Variants in TECRL observed in about 807,000 individuals in gnomAD.
The protein encoded by TECRL is trans-2,3-enoyl-CoA reductase like, also known as trans-2,3-enoyl-CoA reductase-like.
A neutral mutation model predicts 52.8 loss-of-function variants in TECRL; 63 were observed. That is an observed-to-expected ratio of 1.19 (90% CI 0.97 to 1.47). The LOEUF is 1.47. Among genes scored for constraint, TECRL ranks in the 40% most tolerant of loss-of-function variants. The probability of loss-of-function intolerance (pLI) is 0.00; values close to 1 mark genes in which losing one functional copy is unlikely to be tolerated. For missense variants in TECRL, 482 were observed against 429.6 expected (o/e 1.12, Z -1.08); for synonymous variants, 164 against 141.9 (o/e 1.16, Z -1.10).
chr4:64,359,362 T>C (rs566760026), intron 2 of TECRL, among the ~76,000 whole-genome samples: 71 of 152,156 alleles, frequency 4.7e-4, no homozygotes, highest in African/African-American at 1.7e-3. Context: ...CTATCTCCCG[T>C]TGAATTGTAA....
chr4:64,347,635 C>G lies in TECRL; in HGVS notation c.287-19079G>C, dbSNP rs149078406. Among the ~76,000 whole-genome samples, 1,304 of 152,178 alleles carry G rather than the reference C, an allele frequency of 8.6e-3. 20 individuals are homozygous for G. The highest frequency in any genetic ancestry group is 0.01 in the Non-Finnish European group (683 of 68,004). On this transcript the variant is annotated intron_variant, in intron 2 of 11. Coordinates refer to ENST00000381210, the MANE Select transcript of TECRL (RefSeq NM_001010874.5). ...GGTTGCAGGAGAGAGAAAAATAAAG[C>G]ACACGGGAAATTGCCATTTATAAAG... is the stretch of plus-strand genomic sequence containing the variant.
chr4:64,292,962 A>AT (rs1287974783), intron 8 of TECRL, among the ~76,000 whole-genome samples: 7 of 152,070 alleles, frequency 4.6e-5, no homozygotes, highest in Admixed American at 4.6e-4. Flanking sequence ...TGAACCTTAC[A>AT]TTTTTATGCG....
At chr4:64,319,565 G>A (rs988749448) in intron 4 of TECRL, among the ~76,000 whole-genome samples, 3 of 151,906 alleles carry the variant, frequency 2.0e-5, no homozygotes, top group African/African-American at 4.8e-5. Context: ...ACAAGGACTC[G>A]TATCTACATT....
At chr4:64,296,815 A>G (rs1723712901) in intron 8 of TECRL, among the ~76,000 whole-genome samples, 3 of 151,770 alleles carry the variant, frequency 2.0e-5, no homozygotes, top group South Asian at 4.1e-4. Flanking sequence ...ACTAAATTAT[A>G]AAATTTATTC....
In TECRL at chr4:64,375,190, G is replaced by T. The variant is rs2109679944; in HGVS notation, c.268C>A (p.Gln90Lys). 1 of 1,396,060 alleles carries T rather than the reference G, an allele frequency of 7.2e-7. No individual in the cohort carries two copies. The highest frequency in any genetic ancestry group is 9.5e-7 in the Non-Finnish European group (1 of 1,054,224). 86.5% of individuals were successfully genotyped at this position (1,396,060 alleles called of 1,614,324 possible). The part of the protein sequence containing the change: ...TQSSTIHDVK[Q>K]KFHKACPKWY... ...AACTTACATGCTTTGTGAAACTTTT[G>T]CTTAACATCATGAATAGTAGATGAT... The change falls in exon 2 of 12, where the codon CAA becomes AAA. Residue 90 changes from glutamine (Q) to lysine (K), a missense_variant. Transcript: ENST00000381210.
At chr4:64,311,640 C>T (rs564083283) in intron 5 of TECRL, among the ~76,000 whole-genome samples, 338 of 152,216 alleles carry the variant, frequency 2.2e-3, no homozygotes, top group African/African-American at 7.5e-3. Context: ...GCATAGAAAC[C>T]TCCATAGAAT....
intron 7 of TECRL, chr4:64,304,906 T>C (rs1724237561): frequency 3.8e-6 from 1 of 261,310 alleles, no homozygotes; most frequent in Admixed American, 5.0e-5. Flanking sequence ...TAATTGTTGT[T>C]TTTTCATTTT....
At chr4:64,318,491 C>CA (rs1717665311) in intron 4 of TECRL, among the ~76,000 whole-genome samples, 1 of 151,638 alleles carries the variant, frequency 6.6e-6, no homozygotes, top group Non-Finnish European at 1.5e-5. Flanking sequence ...ATGAAACCAC[C>CA]AACTCAGATA....
At chr4:64,300,145 T>A in intron 7 of TECRL, 128 bp from the exon 8 acceptor site, 1 of 547,120 alleles carries the variant, frequency 1.8e-6, no homozygotes, top group Non-Finnish European at 3.0e-6. Flanking sequence ...AGTATGTAAT[T>A]CACCTTTTGG....
At chr4:64,280,250 T>C (rs1474610771) in intron 11 of TECRL, 51 bp from the exon 12 acceptor site, 1 of 701,178 alleles carries the variant, frequency 1.4e-6, no homozygotes, top group African/African-American at 2.0e-5. Flanking sequence ...CTATGAAATG[T>C]TATATTAGGA....
chr4:64,333,022 TATAAA>T (rs1718757094), intron 2 of TECRL, among the ~76,000 whole-genome samples: 1 of 151,948 alleles, frequency 6.6e-6, no homozygotes, highest in African/African-American at 2.4e-5. Flanking sequence ...TATATAGATA[TATAAA>T]ATAAAATGTA....
At chr4:64,328,479 T>G in intron 3 of TECRL, 33 bp downstream of exon 3, 1 of 1,585,910 alleles carries the variant, frequency 6.3e-7, no homozygotes, top group Non-Finnish European at 8.6e-7. Flanking sequence ...GATTATAAAT[T>G]AAATAAACAC....
intron 4 of TECRL, 53 bp from the exon 5 acceptor site, chr4:64,314,816 T>G: frequency 7.7e-7 from 1 of 1,306,844 alleles, no homozygotes; most frequent in South Asian, 1.2e-5. Flanking sequence ...GTTTTTAAGG[T>G]TCATTTGTGT....
At chr4:64,310,583 C>A (rs1424650771) in intron 5 of TECRL, among the ~76,000 whole-genome samples, 1 of 152,040 alleles carries the variant, frequency 6.6e-6, no homozygotes, top group Admixed American at 6.6e-5. Flanking sequence ...TGATTTACAG[C>A]AGTATATTTT....
chr4:64,342,722 A>G (rs1023569679), intron 2 of TECRL, among the ~76,000 whole-genome samples: 4 of 152,148 alleles, frequency 2.6e-5, no homozygotes, highest in Non-Finnish European at 4.4e-5. Flanking sequence ...CTATCTATTC[A>G]GGACACTGTG....
chr4:64,337,582 C>G (rs1455656293), intron 2 of TECRL, among the ~76,000 whole-genome samples: 1 of 152,178 alleles, frequency 6.6e-6, no homozygotes, highest in Non-Finnish European at 1.5e-5. Flanking sequence ...AGCAAAGTCT[C>G]AGGATACGAA....
chr4:64,400,656 A>T (rs1225735823), intron 1 of TECRL, among the ~76,000 whole-genome samples: 1 of 152,080 alleles, frequency 6.6e-6, no homozygotes. Flanking sequence ...TTCTCTTGGC[A>T]CTGTCCTCTT....
chr4:64,336,842 T>A (rs187854915), intron 2 of TECRL, among the ~76,000 whole-genome samples: 2,177 of 152,320 alleles, frequency 0.014, 64 homozygotes, highest in African/African-American at 0.049. Flanking sequence ...TAATCCTGAG[T>A]TCTAGTTTGA....
chr4:64,311,097 A>T (rs1329315388), intron 5 of TECRL, among the ~76,000 whole-genome samples: 4 of 152,216 alleles, frequency 2.6e-5, no homozygotes, highest in African/African-American at 7.2e-5. Flanking sequence ...AAAATTAGAC[A>T]TTGAGTTTAT....
Sources: allele counts gnomAD v4.1 joint callset (sites outside exome capture counted in the v4.1 genomes callset), GRCh38; gene constraint gnomAD v4.1.1; transcripts MANE v1.5; gene names NCBI Gene and HGNC (gene_info 2026-07-23, HGNC 2026-07-21).